Variants in TNR observed in about 807,000 individuals in gnomAD.
TNR encodes tenascin-R.
TNR carries 45 observed loss-of-function variants against 150.4 expected under a neutral mutation model. The observed-to-expected ratio is 0.30, with a 90% CI of 0.24 to 0.38. TNR has a LOEUF of 0.38. Ranked by LOEUF, TNR falls within the 10% of genes least tolerant of loss-of-function variation. The pLI, the probability that TNR is intolerant of heterozygous loss-of-function variation, is 1.00. For synonymous variants in TNR, 687 were observed against 678.4 expected (o/e 1.01, Z -0.20); for missense variants, 1,544 against 1,759.1 (o/e 0.88, Z 2.19).
chr1:175,628,729 A>C (rs566028864), intron 1 of TNR, among the ~76,000 whole-genome samples: 204 of 152,128 alleles, frequency 1.3e-3, no homozygotes, highest in African/African-American at 4.6e-3. Context: ...GCTGGGGACA[A>C]ACTTCCTCTA....
chr1:175,642,070 C>A (rs1664681464), intron 1 of TNR, among the ~76,000 whole-genome samples: 1 of 152,112 alleles, frequency 6.6e-6, no homozygotes, highest in African/African-American at 2.4e-5. Flanking sequence ...CCATATCATC[C>A]TTTAAGGACA....
intron 7 of TNR, among the ~76,000 whole-genome samples, chr1:175,389,853 A>G (rs1277459079): frequency 6.6e-6 from 1 of 152,202 alleles, no homozygotes; most frequent in Non-Finnish European, 1.5e-5. Context: ...AGGGATTCCT[A>G]CAGAGCACTG....
chr1:175,338,207 G>A (rs1012113083), intron 18 of TNR, among the ~76,000 whole-genome samples: 3 of 152,220 alleles, frequency 2.0e-5, no homozygotes, highest in African/African-American at 7.2e-5. Context: ...CTCGGCATTA[G>A]CAAGAAGATG....
At chr1:175,413,861 A>T (rs77272778) in intron 2 of TNR, among the ~76,000 whole-genome samples, 3 of 152,184 alleles carry the variant, frequency 2.0e-5, no homozygotes, top group African/African-American at 7.2e-5. Context: ...AGTTGGGCAC[A>T]GTGGTTCATG....
At chr1:175,347,584 T>A (rs757223194) in intron 18 of TNR, among the ~76,000 whole-genome samples, 4 of 152,114 alleles carry the variant, frequency 2.6e-5, no homozygotes, top group South Asian at 2.1e-4. Flanking sequence ...TGCACCACCA[T>A]GCCCAGCTAA....
intron 2 of TNR, among the ~76,000 whole-genome samples, chr1:175,502,086 G>T (rs925450508): frequency 2.6e-5 from 4 of 152,160 alleles, no homozygotes; most frequent in African/African-American, 9.7e-5. Context: ...TCCAAACAGT[G>T]CTGCACATTG....
chr1:175,491,647 T>C (rs1658256298), intron 2 of TNR, among the ~76,000 whole-genome samples: 1 of 128,694 alleles, frequency 7.8e-6, no homozygotes, highest in African/African-American at 3.0e-5. Flanking sequence ...CCAGACTTTT[T>C]TTTTTTTTTT....
intron 16 of TNR, 114 bp downstream of exon 16, chr1:175,356,205 C>T (rs2102006553): frequency 6.4e-6 from 9 of 1,413,116 alleles, no homozygotes; most frequent in Non-Finnish European, 8.7e-6. Flanking sequence ...ATAAGAACAG[C>T]TCATAGCTGC....
chr1:175,416,451 C>A (rs1057013028), intron 2 of TNR, among the ~76,000 whole-genome samples: 10 of 152,176 alleles, frequency 6.6e-5, no homozygotes, highest in African/African-American at 2.4e-4. Flanking sequence ...GTCAGAAATT[C>A]TCCTAAGCAC....
At chr1:175,613,259 A>G (rs2101857107) in intron 1 of TNR, among the ~76,000 whole-genome samples, 1 of 152,196 alleles carries the variant, frequency 6.6e-6, no homozygotes, top group East Asian at 1.9e-4. Flanking sequence ...GCTAGGTCCT[A>G]TTTTGCTAGC....
intron 18 of TNR, among the ~76,000 whole-genome samples, chr1:175,344,247 T>C (rs1398051345): frequency 6.6e-6 from 1 of 152,202 alleles, no homozygotes; most frequent in African/African-American, 2.4e-5. Flanking sequence ...CCAGGACACT[T>C]TCCCTTTCCA....
intron 2 of TNR, among the ~76,000 whole-genome samples, chr1:175,415,631 G>T (rs1654408674): frequency 3.3e-5 from 5 of 152,372 alleles, no homozygotes; most frequent in African/African-American, 1.2e-4. Flanking sequence ...CATGTTCGTG[G>T]CTTCGTGTCA....
intron 6 of TNR, 113 bp from the exon 7 acceptor site, chr1:175,391,551 G>T: frequency 8.0e-7 from 1 of 1,246,382 alleles, no homozygotes; most frequent in Non-Finnish European, 1.1e-6. Flanking sequence ...TTTAAAATGG[G>T]GGCGATGTCT....
chr1:175,656,459 C>T (rs547440437), intron 1 of TNR: 1 of 152,392 alleles, frequency 6.6e-6, no homozygotes, highest in African/African-American at 2.4e-5. Context: ...GCCAGCTCAG[C>T]CCAGCTCCTG....
intron 1 of TNR, among the ~76,000 whole-genome samples, chr1:175,534,568 G>A (rs1660196545): frequency 6.6e-6 from 1 of 152,234 alleles, no homozygotes; most frequent in Admixed American, 6.5e-5. Flanking sequence ...TCTAAGTGGT[G>A]TCAGTTGGTA....
intron 1 of TNR, among the ~76,000 whole-genome samples, chr1:175,623,223 C>T (rs1387319997): frequency 6.6e-6 from 1 of 152,168 alleles, no homozygotes; most frequent in Non-Finnish European, 1.5e-5. Context: ...CATCATCTGC[C>T]AAATTCACCA....
chr1:175,382,765 T>G (rs1398473636), intron 8 of TNR, among the ~76,000 whole-genome samples: 2 of 152,094 alleles, frequency 1.3e-5, no homozygotes, highest in African/African-American at 4.8e-5. Context: ...CTGGGCATGG[T>G]GGCAGGTGCC....
chr1:175,674,258 A>G (rs1665790332), intron 1 of TNR, among the ~76,000 whole-genome samples: 4 of 152,210 alleles, frequency 2.6e-5, no homozygotes, highest in African/African-American at 9.7e-5. Context: ...GGATGCAGGG[A>G]TGAATGCTCA....
rs146063856 is a variant in TNR, at chr1:175,515,479, G to A, written c.-64+12790C>T. On this transcript the variant is annotated intron_variant, in intron 2 of 22. Coordinates refer to ENST00000367674, the MANE Select transcript of TNR (RefSeq NM_003285.3). ...GTTCAGGATGAACTTTAAAAGGAGA[G>A]AATTAGTTTGGAGCAGGCATTCTAG... Among the ~76,000 whole-genome samples the A allele has an allele frequency of 9.7e-3, 1,474 of 152,304 alleles. 28 individuals carry two copies. The highest frequency in any genetic ancestry group is 0.022 in the South Asian group (107 of 4,820).
Sources: gnomAD v4.1 joint callset for allele counts (sites outside exome capture counted in the v4.1 genomes callset) on GRCh38, gnomAD v4.1.1 for gene constraint, MANE v1.5 for transcripts, NCBI Gene and HGNC (gene_info 2026-07-23, HGNC 2026-07-21) for gene names.